NKAIN3: variants seen among roughly 807,000 people sequenced by gnomAD.
NKAIN3 encodes the protein sodium/potassium-transporting ATPase subunit beta-1-interacting protein 3.
Under a neutral mutation model 30.2 loss-of-function variants are expected in NKAIN3, and 25 were observed. The observed-to-expected ratio is 0.83, with a 90% CI of 0.60 to 1.16. The LOEUF is 1.16. Ranked by LOEUF, NKAIN3 falls within the 50% of genes most tolerant of loss-of-function variation. NKAIN3 has a pLI of 0.00. For synonymous variants in NKAIN3, 91 were observed against 89.6 expected (o/e 1.02, Z -0.09); for missense variants, 225 against 254.1 (o/e 0.89, Z 0.78).
chr8:62,801,028 T>G (rs1417632196), intron 4 of NKAIN3, among the ~76,000 whole-genome samples: 1 of 152,148 alleles, frequency 6.6e-6, no homozygotes, highest in Non-Finnish European at 1.5e-5. Context: ...CACAGCAGTC[T>G]GAGATCAAAC....
intron 3 of NKAIN3, among the ~76,000 whole-genome samples, chr8:62,669,368 C>A (rs1389829181): frequency 6.6e-6 from 1 of 152,156 alleles, no homozygotes; most frequent in Non-Finnish European, 1.5e-5. Flanking sequence ...CTAACTTTGC[C>A]TCAGCTTCCA....
At chr8:62,740,563 G>T (rs982392088) in intron 3 of NKAIN3, among the ~76,000 whole-genome samples, 3 of 151,828 alleles carry the variant, frequency 2.0e-5, no homozygotes, top group African/African-American at 7.2e-5. Context: ...ATTATTAAAA[G>T]AGCAAAGAAT....
At chr8:62,460,260 A>G (rs1201097014) in intron 1 of NKAIN3, among the ~76,000 whole-genome samples, 6 of 151,860 alleles carry the variant, frequency 4.0e-5, no homozygotes, top group Admixed American at 2.0e-4. Flanking sequence ...AAAAATACAA[A>G]AATTAGCCGG....
rs73264901 is a variant in NKAIN3 at position 62,698,839 on chromosome 8, G to A, written c.274-48093G>A. On this transcript the variant is annotated intron_variant, in intron 3 of 6. Transcript: ENST00000623646. Reference sequence around the variant, plus strand: ...AAGATAATGGAAAGGACGGAACCACGCAACAATCCACTAGAAACCTCCCTT... The same window carrying A: ...AAGATAATGGAAAGGACGGAACCACACAACAATCCACTAGAAACCTCCCTT... 3.3e-5 allele frequency among the ~76,000 whole-genome samples: 5 copies of A among 152,182 alleles called. No homozygotes were observed. The South Asian group carries it at 6.2e-4, about 19-fold the overall frequency.
intron 1 of NKAIN3, among the ~76,000 whole-genome samples, chr8:62,512,499 C>T (rs1033154749): frequency 3.5e-4 from 53 of 152,248 alleles, no homozygotes; most frequent in African/African-American, 1.2e-3. Flanking sequence ...AAGATGCCTC[C>T]GTCTTGCCAA....
intron 4 of NKAIN3, among the ~76,000 whole-genome samples, chr8:62,774,437 A>G (rs547938230): frequency 6.6e-6 from 1 of 152,214 alleles, no homozygotes; most frequent in African/African-American, 2.4e-5. Context: ...GACTTGCATT[A>G]CTATGTTGAA....
At chr8:62,470,240 C>T (rs1328944332) in intron 1 of NKAIN3, among the ~76,000 whole-genome samples, 2 of 152,226 alleles carry the variant, frequency 1.3e-5, no homozygotes, top group East Asian at 1.9e-4. Context: ...GATGGCAGTT[C>T]TAGTGCTGTG....
intron 6 of NKAIN3, among the ~76,000 whole-genome samples, chr8:62,956,567 G>A (rs1388720739): frequency 6.6e-6 from 1 of 152,166 alleles, no homozygotes; most frequent in Non-Finnish European, 1.5e-5. Context: ...ATGGGAATGT[G>A]TATAGGGGAA....
At chr8:62,524,871 CGGTT>C (rs1436831316) in intron 1 of NKAIN3, among the ~76,000 whole-genome samples, 2 of 151,438 alleles carry the variant, frequency 1.3e-5, no homozygotes, top group Admixed American at 6.6e-5. Flanking sequence ...TGAGGTACTC[CGGTT>C]TAATAGCTAC....
In NKAIN3 at chr8:62,870,637, T is replaced by TTG. The variant is rs1198569795; in HGVS notation, c.472-47815_472-47814insGT. Among the ~76,000 whole-genome samples the TTG allele has an allele frequency of 5.5e-3, 525 of 96,136 alleles. 1 individual carries two copies. Among genetic ancestry groups the TTG allele is most frequent in the African/African-American group, 9.6e-3 (205 of 21,416 alleles). The allele number at this position is 96,136 out of a possible 152,430, so 63.1% of individuals were successfully genotyped here. A position where few individuals can be genotyped will look rare whatever the true frequency, so the allele number is the denominator to read the frequency against. ...ATATATATACAAAATAAACTCTATTTTATATATATATCTATATCTAGATAT... is the reference window on the plus strand; with the variant it reads ...ATATATATACAAAATAAACTCTATTTTGTATATATATATCTATATCTAGATAT... On this transcript the variant is annotated intron_variant, in intron 4 of 6. Coordinates refer to ENST00000623646, the MANE Select transcript of NKAIN3 (RefSeq NM_001304533.3).
At chr8:62,863,109 C>T (rs1033940526) in intron 4 of NKAIN3, 2 of 1,335,582 alleles carry the variant, frequency 1.5e-6, no homozygotes, top group Admixed American at 1.7e-5. Context: ...ATTCCCCATC[C>T]TGCTCATTGG....
At chr8:62,397,342 T>A (rs953710965) in intron 1 of NKAIN3, among the ~76,000 whole-genome samples, 8 of 133,044 alleles carry the variant, frequency 6.0e-5, no homozygotes, top group Non-Finnish European at 1.2e-4. Flanking sequence ...GTGTTAGTAT[T>A]AGAGTTGTTT....
intron 4 of NKAIN3, among the ~76,000 whole-genome samples, chr8:62,857,917 A>G (rs2130783585): frequency 6.6e-6 from 1 of 151,968 alleles, no homozygotes; most frequent in Admixed American, 6.6e-5. Flanking sequence ...GAAAGGGGGC[A>G]CTCTGGTTTT....
At chr8:62,321,127 GC>G (rs1486446458) in intron 1 of NKAIN3, among the ~76,000 whole-genome samples, 6 of 151,994 alleles carry the variant, frequency 3.9e-5, no homozygotes, top group African/African-American at 1.5e-4. Context: ...GATCAAATCA[GC>G]TACTGAGGCT....
intron 1 of NKAIN3, 117 bp downstream of exon 1, chr8:62,249,244 C>A: frequency 1.2e-6 from 1 of 833,460 alleles, no homozygotes; most frequent in Non-Finnish European, 1.8e-6. Flanking sequence ...ACAGGGCGCT[C>A]CGCCCGCCTC....
intron 3 of NKAIN3, among the ~76,000 whole-genome samples, chr8:62,612,954 A>T (rs1027842531): frequency 1.3e-5 from 2 of 151,996 alleles, no homozygotes. Context: ...ATTTCTATTT[A>T]TATTTTATTG....
intron 1 of NKAIN3, among the ~76,000 whole-genome samples, chr8:62,518,301 A>G (rs1808055586): frequency 6.6e-6 from 1 of 152,212 alleles, no homozygotes; most frequent in Admixed American, 6.5e-5. Context: ...CAGAGGTTGC[A>G]GTGAGCTAAG....
At position 62,930,952 on chromosome 8, in the gene NKAIN3, C is replaced by T. The variant is rs184072413; in HGVS notation, c.532+12439C>T. 1.6e-3 allele frequency among the ~76,000 whole-genome samples: 247 copies of T among 152,236 alleles called. 1 individual carries two copies. The highest frequency in any genetic ancestry group is 4.4e-3 in the African/African-American group (183 of 41,558). ...TCAATCTCCTTACCTCATGATCCTC[C>T]CACCTTGGCCTCCCAAAGTGCTGGG... is the stretch of plus-strand genomic sequence containing the variant. On this transcript the variant is annotated intron_variant, in intron 5 of 6. Transcript: ENST00000623646.
intron 1 of NKAIN3, among the ~76,000 whole-genome samples, chr8:62,571,768 T>C (rs35394983): frequency 0.13 from 20,289 of 152,152 alleles, 1,797 homozygotes; most frequent in African/African-American, 0.25. Context: ...GCTTGGGGCT[T>C]GCACCCTCTA....
Sources: allele counts gnomAD v4.1 joint callset (sites outside exome capture counted in the v4.1 genomes callset), GRCh38; gene constraint gnomAD v4.1.1; transcripts MANE v1.5; gene names NCBI Gene and HGNC (gene_info 2026-07-23, HGNC 2026-07-21).